The following CCNG2 variants were observed in gnomAD, a reference collection of about 807,000 sequenced individuals.
CCNG2 encodes cyclin G2, also known as cyclin-G2.
In CCNG2, 20 loss-of-function variants were observed where a neutral mutation model predicts 36.5. The ratio of observed to expected loss-of-function variants is 0.55; its 90% CI spans 0.39 to 0.80. The LOEUF (loss-of-function observed/expected upper bound fraction) is 0.80, where lower values mean the gene tolerates loss of function less well. Among genes scored for constraint, CCNG2 ranks in the 30% least tolerant of loss-of-function variants. The probability of loss-of-function intolerance (pLI) is 0.00; values close to 1 mark genes in which losing one functional copy is unlikely to be tolerated. For missense variants in CCNG2, 358 were observed against 390.8 expected, an observed-to-expected ratio of 0.92 and a Z score of 0.71; for synonymous variants, 155 against 140.1, an observed-to-expected ratio of 1.11 and a Z score of -0.75.
rs1457001232 is a variant in CCNG2 at position 77,161,701 on chromosome 4, C to T, written c.659C>T (p.Ser220Phe). Reference protein sequence around the residue: ...LLNLEVETLKSVELLEILLLV... With the variant: ...LLNLEVETLKFVELLEILLLV... Reference sequence around the variant, plus strand: ...AATTTGGAAGTGGAAACTTTGAAATCTGTTGAATTACTGGAAATTCTCTTG... The same window carrying T: ...AATTTGGAAGTGGAAACTTTGAAATTTGTTGAATTACTGGAAATTCTCTTG... The change falls in exon 6 of 8, where the codon TCT becomes TTT. Residue 220 changes from serine (S) to phenylalanine (F), a missense_variant. Transcript: ENST00000316355. 1 of 1,610,264 alleles carries T rather than the reference C, an allele frequency of 6.2e-7. No individual in the cohort carries two copies.
Position 77,158,497 on chromosome 4 carries a change from C to T in CCNG2, c.1-36C>T, listed in dbSNP as rs761724456. On this transcript the variant is annotated intron_variant, in intron 1 of 7. Coordinates refer to ENST00000316355, the MANE Select transcript of CCNG2 (RefSeq NM_004354.3). ...TCCCGCTTCCCCACCCCTCTTACCC[C>T]CAGATTACATTCTCTGTGTGGTGTC... 8 of 1,613,090 alleles carry T rather than the reference C, an allele frequency of 5.0e-6. No homozygotes were observed. In the South Asian group the frequency reaches 6.6e-5, roughly 13 times the overall value.
rs4150100 is a variant in CCNG2, at chr4:77,167,364, C to G, written c.*1440C>G. 3.7e-3 allele frequency: 569 copies of G among 152,248 alleles called. 6 individuals are homozygous for G. The highest frequency in any genetic ancestry group is 0.013 in the African/African-American group (553 of 41,528). The allele number at this position is 152,248 out of a possible 1,614,324, so 9.4% of individuals were successfully genotyped here. On this transcript the variant is annotated 3_prime_UTR_variant, in exon 8 of 8. Transcript: ENST00000316355. ...GTTTGGCATCTGTGCCTTGGAGATA[C>G]TGAAAGAGAATCTGTCATTTGACAA...
chr4:77,161,808 G>A (rs1438542285), intron 6 of CCNG2, 61 bp downstream of exon 6: 2 of 1,022,966 alleles, frequency 2.0e-6, no homozygotes, highest in Non-Finnish European at 3.0e-6. Context: ...TTTTTCTGTG[G>A]TGACTTAAAC....
At position 77,161,795 on chromosome 4, in the gene CCNG2, A is replaced by AT. The variant is rs752187779; in HGVS notation, c.705+55dup. ...AAGGCAAATTTTTTTCCTGATGTTT[A>AT]TTTTTTTCTGTGGTGACTTAAACAT... On this transcript the variant is annotated intron_variant, in intron 6 of 7. Transcript: ENST00000316355. The AT allele has an allele frequency of 7.7e-4, 909 of 1,183,444 alleles. 2 individuals carry two copies. Among genetic ancestry groups the AT allele is most frequent in the Non-Finnish European group, 1.0e-3 (834 of 813,284 alleles). The allele number at this position is 1,183,444 out of a possible 1,614,324, so 73.3% of individuals were successfully genotyped here.
chr4:77,158,564 G>C lies in CCNG2; in HGVS notation c.32G>C (p.Gly11Ala). ...GATTTGGGGGCAGAGCACTTGGCAG[G>C]TCATGAAGGGGTCCAACTTCTCGGG... is the stretch of plus-strand genomic sequence containing the variant. MKDLGAEHLAGHEGVQLLGLL... is the reference protein window; with the variant it reads MKDLGAEHLAAHEGVQLLGLL... The change falls in exon 2 of 8, where the codon GGT becomes GCT. Residue 11 changes from glycine to alanine, a missense_variant. Physicochemically the swap from Gly to Ala is moderately conservative, Grantham distance 60. Coordinates refer to ENST00000316355, the MANE Select transcript of CCNG2 (RefSeq NM_004354.3). The C allele has an allele frequency of 6.2e-7, 1 of 1,614,174 alleles. No homozygotes were observed. The highest frequency in any genetic ancestry group is 8.5e-7 in the Non-Finnish European group (1 of 1,180,022).
chr4:77,161,841 T>C (rs962882363), intron 6 of CCNG2, 94 bp downstream of exon 6: 35 of 727,326 alleles, frequency 4.8e-5, no homozygotes, highest in Non-Finnish European at 7.5e-5. Flanking sequence ...TTTATGGGAC[T>C]CTTAACTTTT....
intron 6 of CCNG2, among the ~76,000 whole-genome samples, chr4:77,163,199 C>G (rs1397593089): frequency 1.3e-5 from 2 of 152,014 alleles, no homozygotes; most frequent in African/African-American, 4.8e-5. Context: ...TTGTAGGGGT[C>G]AGTTGAAGCT....
intron 7 of CCNG2, 26 bp from the exon 8 acceptor site, chr4:77,165,775 C>CT (rs761745402): frequency 3.7e-5 from 57 of 1,528,884 alleles, no homozygotes; most frequent in Non-Finnish European, 4.6e-5. Context: ...ATGGTATCCT[C>CT]TTTTTTTGTC....
Position 77,160,533 on chromosome 4 carries a change from G to T in CCNG2, c.277-188G>T, listed in dbSNP as rs1422539502. 4.5e-3 allele frequency among the ~76,000 whole-genome samples: 584 copies of T among 128,362 alleles called. 5 individuals are homozygous for T. Among genetic ancestry groups the T allele is most frequent in the African/African-American group, 0.016 (555 of 35,296 alleles). 84.2% of individuals were successfully genotyped at this position (128,362 alleles called of 152,430 possible). ...CTGTTCCCTGCTGCCTTTTTTTTTG[G>T]GGGGGGGGGGAGGTCGAGAACGTCT... On this transcript the variant is annotated intron_variant, in intron 3 of 7. Coordinates refer to ENST00000316355, the MANE Select transcript of CCNG2 (RefSeq NM_004354.3).
Position 77,160,706 on chromosome 4 carries a change from T to G in CCNG2, c.277-15T>G. 6.2e-7 allele frequency: 1 copy of G among 1,604,580 alleles called. No homozygotes were observed. ...AGTGACAGTTGTTAAAAGAAGCCTC[T>G]TGTTTTTTTCTCAGGTGAAACCTAA... is the stretch of plus-strand genomic sequence containing the variant. On this transcript the variant is annotated splice_polypyrimidine_tract_variant and intron_variant, in intron 3 of 7. Coordinates refer to ENST00000316355, the MANE Select transcript of CCNG2 (RefSeq NM_004354.3).
Position 77,158,860 on chromosome 4 carries a change from GA to G in CCNG2, c.138+191del, listed in dbSNP as rs4150055. Among the ~76,000 whole-genome samples the G allele has an allele frequency of 4.5e-3, 681 of 152,338 alleles. 4 individuals are homozygous for G. The highest frequency in any genetic ancestry group is 0.016 in the African/African-American group (658 of 41,574). Reference sequence around the variant, plus strand: ...TAGCAAGAATGAGAGTGATACTTTAGAGAAGTGGGGTTTTTTGTTGTTGTTT... The same window carrying G: ...TAGCAAGAATGAGAGTGATACTTTAGGAAGTGGGGTTTTTTGTTGTTGTTT... On this transcript the variant is annotated intron_variant, in intron 2 of 7. Coordinates refer to ENST00000316355, the MANE Select transcript of CCNG2 (RefSeq NM_004354.3).
chr4:77,157,760 C>T (rs948489389), intron 1 of CCNG2, among the ~76,000 whole-genome samples: 2 of 152,092 alleles, frequency 1.3e-5, no homozygotes, highest in African/African-American at 2.4e-5. Flanking sequence ...CGCCCCCGCT[C>T]GTGTTGTCAC....
At position 77,164,449 on chromosome 4, in the gene CCNG2, C is replaced by G. The variant is rs1272135944; in HGVS notation, c.881C>G (p.Pro294Arg). 1 of 1,613,964 alleles carries G rather than the reference C, an allele frequency of 6.2e-7. No homozygotes were observed. Among genetic ancestry groups the G allele is most frequent in the East Asian group, 2.2e-5 (1 of 44,876 alleles). ...YYSVPELPTI[P>R]EGGCFDESES... is the part of the protein sequence containing the mutation. Reference sequence around the variant, plus strand: ...AGTGTTCCTGAGCTGCCAACGATACCTGAGGGGGGTTGTTTTGATGAAAGT... The same window carrying G: ...AGTGTTCCTGAGCTGCCAACGATACGTGAGGGGGGTTGTTTTGATGAAAGT... Residue 294 changes from proline (P) to arginine (R), a missense_variant, in exon 7 of 8, where the codon CCT (proline) becomes CGT (arginine). Pro to Arg is a moderately radical substitution (Grantham distance 103, BLOSUM62 -2). Transcript: ENST00000316355.
chr4:77,164,261 AT>A lies in CCNG2; in HGVS notation c.706-4del, dbSNP rs574484644. On this transcript the variant is annotated splice_polypyrimidine_tract_variant and intron_variant, in intron 6 of 7. Coordinates refer to ENST00000316355, the MANE Select transcript of CCNG2 (RefSeq NM_004354.3). ...AGACATTGCCGTAACCTCTTAAAAT[AT>A]TTTTTTTTCAGATTAATGACACTGA... 6.3e-5 allele frequency: 99 copies of A among 1,583,570 alleles called. No homozygotes were observed. Among genetic ancestry groups the A allele is most frequent in the Non-Finnish European group, 7.0e-5 (81 of 1,155,272 alleles).
rs1731413077 is a variant in CCNG2 at position 77,160,825 on chromosome 4, G to A, written c.381G>A (p.Arg127=). Reference sequence around the variant, plus strand: ...TTCCATCCACTCATGATGTGATCCGGATTAGTCAGTGTAAATGTACTGCTT... The same window carrying A: ...TTCCATCCACTCATGATGTGATCCGAATTAGTCAGTGTAAATGTACTGCTT... ...CNIPSTHDVI[R]ISQCKCTASD... The change falls in exon 4 of 8, where the codon CGG becomes CGA. Residue 127 remains arginine, a synonymous_variant. Transcript: ENST00000316355. 6.2e-7 allele frequency: 1 copy of A among 1,614,006 alleles called. No individual in the cohort carries two copies. Among genetic ancestry groups the A allele is most frequent in the East Asian group, 2.2e-5 (1 of 44,870 alleles).
At chr4:77,161,626 C>CT (rs762664443) in intron 5 of CCNG2, 23 bp from the exon 6 acceptor site, 23 of 1,563,290 alleles carry the variant, frequency 1.5e-5, no homozygotes, top group Middle Eastern at 2.0e-4. Flanking sequence ...AAATATTTTT[C>CT]TTTTTTTTCT....
rs570550357 is a variant in CCNG2 at position 77,158,727 on chromosome 4, A to AC, written c.138+64dup. 463 of 1,585,472 alleles carry AC rather than the reference A, an allele frequency of 2.9e-4. 1 individual carries two copies. The African/African-American group carries it at 3.7e-3, about 13-fold the overall frequency. ...CAGCTGATGGGGCTTGGAGGAGGTAACCCCCCCGCCCCCGTTGAATCATGA... is the reference window on the plus strand; with the variant it reads ...CAGCTGATGGGGCTTGGAGGAGGTAACCCCCCCCGCCCCCGTTGAATCATGA... On this transcript the variant is annotated intron_variant, in intron 2 of 7. Coordinates refer to ENST00000316355, the MANE Select transcript of CCNG2 (RefSeq NM_004354.3).
At position 77,158,680 on chromosome 4, in the gene CCNG2, C is replaced by A. The variant is rs778512926; in HGVS notation, c.138+10C>A. ...TGAGGCTACCCCGGAGGTAAGTTGG[C>A]AGAAAAGATAACTTGCTCAAGCAGC... On this transcript the variant is annotated intron_variant, in intron 2 of 7. Coordinates refer to ENST00000316355, the MANE Select transcript of CCNG2 (RefSeq NM_004354.3). 1 of 1,613,606 alleles carries A rather than the reference C, an allele frequency of 6.2e-7. No individual in the cohort carries two copies. Among genetic ancestry groups the A allele is most frequent in the South Asian group, 1.1e-5 (1 of 91,062 alleles).
rs1472544498 is a variant in CCNG2 at position 77,169,584 on chromosome 4, A to C, written c.*3660A>C. On this transcript the variant is annotated 3_prime_UTR_variant, in exon 8 of 8. Transcript: ENST00000316355. ...AGCAGAAGAAATTTAGTATATGTCC[A>C]AGCCTAGGCTTTAAGAGACTGGCAG... 6.6e-6 allele frequency: 1 copy of C among 152,222 alleles called. No individual in the cohort carries two copies. The allele number at this position is 152,222 out of a possible 1,614,324, so 9.4% of individuals were successfully genotyped here.
Sources: allele counts gnomAD v4.1 joint callset (sites outside exome capture counted in the v4.1 genomes callset), GRCh38; gene constraint gnomAD v4.1.1; transcripts MANE v1.5; gene names NCBI Gene and HGNC (gene_info 2026-07-23, HGNC 2026-07-21).